The following SLC41A2 variants were observed in gnomAD, a reference collection of about 807,000 sequenced individuals.
The protein encoded by SLC41A2 is SLC41A1-like 1.
A neutral mutation model predicts 58.3 loss-of-function variants in SLC41A2; 32 were observed. That is an observed-to-expected ratio of 0.55 (90% CI 0.41 to 0.74). The LOEUF (loss-of-function observed/expected upper bound fraction) is 0.74, where lower values mean the gene tolerates loss of function less well. Ranked by LOEUF, SLC41A2 falls within the 30% of genes least tolerant of loss-of-function variation. The pLI is 0.00. For missense variants in SLC41A2, 514 were observed against 680.6 expected, an observed-to-expected ratio of 0.76 and a Z score of 2.72; for synonymous variants, 190 against 235.0, an observed-to-expected ratio of 0.81 and a Z score of 1.75.
At chr12:104,915,828 G>A (rs1158431809) in intron 2 of SLC41A2, among the ~76,000 whole-genome samples, 1 of 152,152 alleles carries the variant, frequency 6.6e-6, no homozygotes, top group Non-Finnish European at 1.5e-5. Context: ...TGGTGAGAGA[G>A]GGCATCCCTG....
chr12:104,877,548 G>A (rs1279911433), intron 6 of SLC41A2, among the ~76,000 whole-genome samples: 1 of 152,136 alleles, frequency 6.6e-6, no homozygotes, highest in Non-Finnish European at 1.5e-5. Context: ...ATCATGATCT[G>A]TGATAGTAAC....
rs1050671007 is a variant in SLC41A2, at chr12:104,804,877, C to A, written c.*275G>T. 6 of 233,298 alleles carry A rather than the reference C, an allele frequency of 2.6e-5. No homozygotes were observed. The highest frequency in any genetic ancestry group is 1.1e-4 in the African/African-American group (5 of 43,988). The allele number at this position is 233,298 out of a possible 1,614,324, so 14.5% of individuals were successfully genotyped here. On this transcript the variant is annotated 3_prime_UTR_variant, in exon 11 of 11. Transcript: ENST00000258538. ...TTTTAAAATTATTCACTGTAAACAT[C>A]CTATATTCTTTCCTAATTAATTTCA...
intron 10 of SLC41A2, among the ~76,000 whole-genome samples, chr12:104,810,911 C>T (rs985938032): frequency 2.0e-5 from 3 of 152,164 alleles, no homozygotes; most frequent in African/African-American, 7.2e-5. Flanking sequence ...CACTACAGTA[C>T]CTTGTTTTAG....
intron 6 of SLC41A2, among the ~76,000 whole-genome samples, chr12:104,879,042 T>C (rs536921987): frequency 6.6e-6 from 1 of 152,242 alleles, no homozygotes; most frequent in African/African-American, 2.4e-5. Context: ...GTGGTTTTGA[T>C]TTGCATTTCT....
intron 1 of SLC41A2, among the ~76,000 whole-genome samples, chr12:104,956,926 T>C (rs12230601): frequency 0.41 from 61,805 of 152,008 alleles, 13,099 homozygotes; most frequent in South Asian, 0.57. Context: ...TTGGGGAAGA[T>C]GTGAAGAAAT....
chr12:104,904,494 A>G (rs1158149440), intron 3 of SLC41A2, among the ~76,000 whole-genome samples: 3 of 152,222 alleles, frequency 2.0e-5, no homozygotes, highest in African/African-American at 7.2e-5. Context: ...ACACATGCAT[A>G]TAATTTCACT....
chr12:104,824,253 C>A (rs73396159), intron 10 of SLC41A2, among the ~76,000 whole-genome samples: 1 of 151,982 alleles, frequency 6.6e-6, no homozygotes, highest in South Asian at 2.1e-4. Context: ...ATAAACCCCC[C>A]CGAGACCCCA....
chr12:104,878,567 G>T (rs1326746186), intron 6 of SLC41A2, among the ~76,000 whole-genome samples: 1 of 151,824 alleles, frequency 6.6e-6, no homozygotes, highest in East Asian at 1.9e-4. Flanking sequence ...GCAGTGTTTG[G>T]TTTTCTGTCC....
intron 10 of SLC41A2, among the ~76,000 whole-genome samples, chr12:104,808,759 T>C (rs1157827367): frequency 2.0e-5 from 3 of 152,246 alleles, no homozygotes; most frequent in African/African-American, 7.2e-5. Flanking sequence ...GTTATTGGTC[T>C]ATTCAGAGAT....
chr12:104,868,040 A>C (rs1346000487), intron 6 of SLC41A2, among the ~76,000 whole-genome samples: 1 of 151,886 alleles, frequency 6.6e-6, no homozygotes, highest in Non-Finnish European at 1.5e-5. Context: ...TAAAATAATT[A>C]TACTAATAAA....
chr12:104,905,690 G>A (rs1033640576), intron 3 of SLC41A2, among the ~76,000 whole-genome samples: 1 of 152,254 alleles, frequency 6.6e-6, no homozygotes, highest in African/African-American at 2.4e-5. Flanking sequence ...GCGAGAAATC[G>A]AGCGCAGCGC....
chr12:104,894,925 T>C (rs551126253), intron 4 of SLC41A2, among the ~76,000 whole-genome samples: 1 of 152,214 alleles, frequency 6.6e-6, no homozygotes, highest in South Asian at 2.1e-4. Context: ...TCTTTAAATA[T>C]CAAAGTAAAA....
At chr12:104,905,810 C>T (rs1289721321) in intron 3 of SLC41A2, among the ~76,000 whole-genome samples, 2 of 152,258 alleles carry the variant, frequency 1.3e-5, no homozygotes, top group South Asian at 2.1e-4. Context: ...GCTCCGAGTG[C>T]GGGGCCCACC....
At chr12:104,828,554 G>A (rs887062267) in intron 10 of SLC41A2, among the ~76,000 whole-genome samples, 1 of 152,122 alleles carries the variant, frequency 6.6e-6, no homozygotes, top group African/African-American at 2.4e-5. Flanking sequence ...AGACACTGCT[G>A]TGGGTTTGGA....
At chr12:104,917,313 A>T (rs1290350864) in intron 2 of SLC41A2, among the ~76,000 whole-genome samples, 1 of 151,392 alleles carries the variant, frequency 6.6e-6, no homozygotes, top group African/African-American at 2.4e-5. Context: ...ATCATTAAAA[A>T]GTCAGGAAAC....
intron 6 of SLC41A2, among the ~76,000 whole-genome samples, chr12:104,878,086 A>C (rs1046932203): frequency 6.6e-6 from 1 of 151,842 alleles, no homozygotes; most frequent in South Asian, 2.1e-4. Flanking sequence ...ATAGTTGTTT[A>C]TCTTCTGGAA....
At position 104,805,094 on chromosome 12, in the gene SLC41A2, A is replaced by G. The variant is rs1274406958; in HGVS notation, c.*58T>C. On this transcript the variant is annotated 3_prime_UTR_variant, in exon 11 of 11. Coordinates refer to ENST00000258538, the MANE Select transcript of SLC41A2 (RefSeq NM_001352171.3). Reference sequence around the variant, plus strand: ...GATTTAAGAGTTTTGAAAAAGAGCCATAAGTGGTTGTCGTGTATTTTCTTC... The same window carrying G: ...GATTTAAGAGTTTTGAAAAAGAGCCGTAAGTGGTTGTCGTGTATTTTCTTC... 16 of 1,429,580 alleles carry G rather than the reference A, an allele frequency of 1.1e-5. No homozygotes were observed. The African/African-American group carries it at 1.9e-4, about 17-fold the overall frequency. 88.6% of individuals were successfully genotyped at this position (1,429,580 alleles called of 1,614,324 possible). A position where few individuals can be genotyped will look rare whatever the true frequency, so the allele number is the denominator to read the frequency against.
At chr12:104,949,578 G>T (rs2047874232) in intron 1 of SLC41A2, among the ~76,000 whole-genome samples, 1 of 151,594 alleles carries the variant, frequency 6.6e-6, no homozygotes, top group African/African-American at 2.4e-5. Context: ...CAAAATGATG[G>T]TGAGCTAAAC....
intron 7 of SLC41A2, among the ~76,000 whole-genome samples, chr12:104,865,575 T>C (rs978542208): frequency 1.1e-4 from 16 of 152,182 alleles, no homozygotes; most frequent in African/African-American, 3.6e-4. Context: ...GCTCATTCAG[T>C]TAACAACTCT....
Sources: allele counts gnomAD v4.1 joint callset (sites outside exome capture counted in the v4.1 genomes callset), GRCh38; gene constraint gnomAD v4.1.1; transcripts MANE v1.5; gene names NCBI Gene and HGNC (gene_info 2026-07-23, HGNC 2026-07-21).